Variants in MTBP observed in about 807,000 individuals in gnomAD.
MTBP encodes MDM2 binding protein.
Under a neutral mutation model 117.0 loss-of-function variants are expected in MTBP, and 101 were observed. That is an observed-to-expected ratio of 0.86 (90% CI 0.73 to 1.02). MTBP has a LOEUF of 1.02. Among genes scored for constraint, MTBP ranks in the 50% least tolerant of loss-of-function variants. The probability of loss-of-function intolerance (pLI) is 0.00; values close to 1 mark genes in which losing one functional copy is unlikely to be tolerated. For missense variants in MTBP, 970 were observed against 1,030.9 expected, an observed-to-expected ratio of 0.94 and a Z score of 0.81; for synonymous variants, 350 against 351.5, an observed-to-expected ratio of 1.00 and a Z score of 0.05.
chr8:120,485,211 A>G (rs1814185879), intron 11 of MTBP, among the ~76,000 whole-genome samples: 1 of 152,158 alleles, frequency 6.6e-6, no homozygotes, highest in Non-Finnish European at 1.5e-5. Context: ...CTTAAGGTAG[A>G]AGGTTAGCTT....
At chr8:120,446,365 T>G in intron 1 of MTBP, 68 bp from the exon 2 acceptor site, 1 of 937,626 alleles carries the variant, frequency 1.1e-6, no homozygotes, top group Non-Finnish European at 1.8e-6. Context: ...TCTCTGATGG[T>G]GAAATTGGAC....
intron 8 of MTBP, among the ~76,000 whole-genome samples, chr8:120,459,753 T>C (rs1586941554): frequency 6.6e-6 from 1 of 152,132 alleles, no homozygotes; most frequent in Non-Finnish European, 1.5e-5. Context: ...GATTAACTCA[T>C]TTGTGAAGTG....
chr8:120,513,582 T>C (rs1814858533), intron 17 of MTBP, among the ~76,000 whole-genome samples: 1 of 152,028 alleles, frequency 6.6e-6, no homozygotes, highest in Non-Finnish European at 1.5e-5. Context: ...GTGTGCATAA[T>C]TCAGTTGAAG....
chr8:120,496,653 C>G (rs571109470), intron 13 of MTBP, among the ~76,000 whole-genome samples: 1 of 151,454 alleles, frequency 6.6e-6, no homozygotes, highest in Non-Finnish European at 1.5e-5. Flanking sequence ...TCCTTAATCC[C>G]TTGGTTTTAA....
At chr8:120,458,853 A>G (rs1813524463) in intron 7 of MTBP, among the ~76,000 whole-genome samples, 1 of 151,774 alleles carries the variant, frequency 6.6e-6, no homozygotes, top group Non-Finnish European at 1.5e-5. Flanking sequence ...AAGCCAAAAA[A>G]AAAAAAAAAA....
chr8:120,483,842 A>C (rs1190559711), intron 11 of MTBP, among the ~76,000 whole-genome samples: 1 of 152,114 alleles, frequency 6.6e-6, no homozygotes, highest in African/African-American at 2.4e-5. Context: ...TTGAAAATAG[A>C]CAGACTTTTT....
chr8:120,520,453 T>C (rs1814993012), intron 20 of MTBP, among the ~76,000 whole-genome samples: 1 of 152,138 alleles, frequency 6.6e-6, no homozygotes, highest in Admixed American at 6.6e-5. Flanking sequence ...AATATGAATT[T>C]TGTATTTTTT....
chr8:120,507,032 A>G (rs571732260), intron 16 of MTBP, among the ~76,000 whole-genome samples, 171 bp downstream of exon 16: 1 of 152,256 alleles, frequency 6.6e-6, no homozygotes, highest in East Asian at 1.9e-4. Flanking sequence ...TTATCAAAAT[A>G]TCCTACTGTT....
chr8:120,458,847 CAAAAA>C (rs5894523), intron 7 of MTBP, among the ~76,000 whole-genome samples: 3 of 112,010 alleles, frequency 2.7e-5, no homozygotes, highest in Non-Finnish European at 3.6e-5. Context: ...ATCTCAAAGC[CAAAAA>C]AAAAAAAAAA....
At chr8:120,492,860 A>C (rs1586961035) in intron 13 of MTBP, among the ~76,000 whole-genome samples, 1 of 152,284 alleles carries the variant, frequency 6.6e-6, no homozygotes, top group Non-Finnish European at 1.5e-5. Context: ...TAAGCTTGTG[A>C]CTTATATTTT....
chr8:120,468,453 A>G (rs1334097898), intron 10 of MTBP, among the ~76,000 whole-genome samples: 3 of 152,192 alleles, frequency 2.0e-5, no homozygotes, highest in South Asian at 2.1e-4. Context: ...TTGGAATTCT[A>G]CGAACTCTTG....
At chr8:120,502,955 A>G (rs1309839925) in intron 15 of MTBP, among the ~76,000 whole-genome samples, 1 of 152,234 alleles carries the variant, frequency 6.6e-6, no homozygotes, top group Non-Finnish European at 1.5e-5. Context: ...TACTTGCCTC[A>G]TTTGAACCAC....
At chr8:120,501,121 GCGGAGC>G (rs1814575914) in intron 14 of MTBP, among the ~76,000 whole-genome samples, 1 of 149,652 alleles carries the variant, frequency 6.7e-6, no homozygotes, top group African/African-American at 2.5e-5. Flanking sequence ...AACCTGGGAG[GCGGAGC>G]TTGCAGTGAG....
At chr8:120,510,137 A>T (rs1032044220) in intron 17 of MTBP, 108 bp downstream of exon 17, 140 of 789,524 alleles carry the variant, frequency 1.8e-4, no homozygotes, top group Non-Finnish European at 2.6e-4. Context: ...GACCAAGAGG[A>T]TATGTCAAAA....
At chr8:120,521,694 T>C (rs896324678) in intron 20 of MTBP, among the ~76,000 whole-genome samples, 1 of 152,250 alleles carries the variant, frequency 6.6e-6, no homozygotes, top group Non-Finnish European at 1.5e-5. Context: ...TCTTTTACTT[T>C]GTAATAATCA....
intron 14 of MTBP, among the ~76,000 whole-genome samples, chr8:120,501,247 A>G (rs1041327668): frequency 6.7e-6 from 1 of 149,832 alleles, no homozygotes; most frequent in Non-Finnish European, 1.5e-5. Flanking sequence ...CTGTAGTCCC[A>G]GCTACTCGGG....
At position 120,502,623 on chromosome 8, in the gene MTBP, C is replaced by G. The variant is rs1326628963; in HGVS notation, c.1727+14C>G. On this transcript the variant is annotated intron_variant, in intron 15 of 21. Coordinates refer to ENST00000305949, the MANE Select transcript of MTBP (RefSeq NM_022045.5). Reference sequence around the variant, plus strand: ...ACAAAAAATGAGGTAATATTTGAATCTGTAGTAAAGCATGTGATAGCTCAG... The same window carrying G: ...ACAAAAAATGAGGTAATATTTGAATGTGTAGTAAAGCATGTGATAGCTCAG... The G allele has an allele frequency of 4.7e-6, 7 of 1,485,182 alleles. No homozygotes were observed. The highest frequency in any genetic ancestry group is 6.5e-6 in the Non-Finnish European group (7 of 1,075,312). 92.0% of individuals were successfully genotyped at this position (1,485,182 alleles called of 1,614,324 possible). A position where few individuals can be genotyped will look rare whatever the true frequency, so the allele number is the denominator to read the frequency against.
intron 11 of MTBP, among the ~76,000 whole-genome samples, chr8:120,487,498 G>A (rs1200428496): frequency 6.6e-6 from 1 of 152,190 alleles, no homozygotes; most frequent in Non-Finnish European, 1.5e-5. Context: ...AATTTCAGGA[G>A]ATAGTGAATA....
At chr8:120,458,494 C>G (rs1329701362) in intron 7 of MTBP, among the ~76,000 whole-genome samples, 1 of 152,092 alleles carries the variant, frequency 6.6e-6, no homozygotes, top group African/African-American at 2.4e-5. Flanking sequence ...ATCTTATCAG[C>G]AACATTTATC....
Sources: gnomAD v4.1 joint callset for allele counts (sites outside exome capture counted in the v4.1 genomes callset) on GRCh38, gnomAD v4.1.1 for gene constraint, MANE v1.5 for transcripts, NCBI Gene and HGNC (gene_info 2026-07-23, HGNC 2026-07-21) for gene names.